Variants in PDE4B observed in about 807,000 individuals in gnomAD.
PDE4B encodes 3',5'-cyclic-AMP phosphodiesterase 4B.
Under a neutral mutation model 82.2 loss-of-function variants are expected in PDE4B, and 20 were observed. That is an observed-to-expected ratio of 0.24 (90% confidence interval 0.17 to 0.35). PDE4B has a LOEUF of 0.35. PDE4B is among the 10% of genes least tolerant of loss of function. The probability of loss-of-function intolerance (pLI) is 1.00; values close to 1 mark genes in which losing one functional copy is unlikely to be tolerated. For synonymous variants in PDE4B, 320 were observed against 318.9 expected (o/e 1.00, Z -0.04); for missense variants, 655 against 907.2 (o/e 0.72, Z 3.57).
rs537814354 is a variant in PDE4B, at chr1:66,257,779, C to T, written c.514-14C>T. ...TTCTTTTGTCCTTAACCGTTTAAAA[C>T]ATTTTTCTTCTAGGTCCTTGCCAGC... On this transcript the variant is annotated splice_polypyrimidine_tract_variant and intron_variant, in intron 5 of 16. Coordinates refer to ENST00000341517, the MANE Select transcript of PDE4B (RefSeq NM_002600.4). 3 of 1,612,076 alleles carry T rather than the reference C, an allele frequency of 1.9e-6. No homozygotes were observed. Among genetic ancestry groups the T allele is most frequent in the Non-Finnish European group, 2.5e-6 (3 of 1,178,494 alleles).
At chr1:66,114,918 G>A (rs1325540104) in intron 3 of PDE4B, among the ~76,000 whole-genome samples, 1 of 152,072 alleles carries the variant, frequency 6.6e-6, no homozygotes, top group Non-Finnish European at 1.5e-5. Flanking sequence ...TTACAGGGGT[G>A]AGCCACCACA....
chr1:66,187,950 C>A (rs1647330029), intron 3 of PDE4B, among the ~76,000 whole-genome samples: 1 of 150,092 alleles, frequency 6.7e-6, no homozygotes, highest in Admixed American at 6.7e-5. Flanking sequence ...TAGATCTTTC[C>A]TGCTTTCTCT....
chr1:65,947,674 G>T (rs1389552996), intron 3 of PDE4B, among the ~76,000 whole-genome samples: 2 of 151,930 alleles, frequency 1.3e-5, no homozygotes, highest in Non-Finnish European at 2.9e-5. Flanking sequence ...GACACAGAGG[G>T]AAGACAGTTA....
At chr1:66,254,535 CTATAGCTCGAATT>C (rs1211670857) in intron 4 of PDE4B, among the ~76,000 whole-genome samples, 1 of 152,134 alleles carries the variant, frequency 6.6e-6, no homozygotes, top group Admixed American at 6.6e-5. Flanking sequence ...ACCCCTAAAT[CTATAGCTCGAATT>C]CCCATATCTC....
In PDE4B at chr1:66,240,983, G is replaced by A. The variant is rs113209730; in HGVS notation, c.282-6477G>A. Among the ~76,000 whole-genome samples the A allele has an allele frequency of 3.8e-3, 580 of 152,316 alleles. 1 individual carries two copies. Among genetic ancestry groups the A allele is most frequent in the African/African-American group, 0.013 (529 of 41,564 alleles). On this transcript the variant is annotated intron_variant, in intron 3 of 16. Coordinates refer to ENST00000341517, the MANE Select transcript of PDE4B (RefSeq NM_002600.4). ...AATCTCAGAGCTCTTCAGCATTCCT[G>A]TGCTACCTCTGGTTGAGCCTTTCTG... is the stretch of plus-strand genomic sequence containing the variant.
At chr1:65,810,174 T>C (rs889772722) in intron 1 of PDE4B, among the ~76,000 whole-genome samples, 4 of 152,206 alleles carry the variant, frequency 2.6e-5, no homozygotes, top group African/African-American at 9.7e-5. Flanking sequence ...TGATAAATTA[T>C]GGGATATTCC....
In PDE4B at chr1:65,848,752, C is replaced by T. The variant is rs188340937; in HGVS notation, c.-71+55504C>T. Among the ~76,000 whole-genome samples the T allele has an allele frequency of 4.1e-3, 621 of 152,134 alleles. 4 individuals carry two copies. Among genetic ancestry groups the T allele is most frequent in the African/African-American group, 0.014 (567 of 41,508 alleles). On this transcript the variant is annotated intron_variant, in intron 1 of 16. Transcript: ENST00000341517. ...TTATGTTGCTGACAATATGTTATTG[C>T]GTTGATATATGACAAATCATTCATC...
Position 65,982,345 on chromosome 1 carries a change from A to G in PDE4B, c.281+63510A>G, listed in dbSNP as rs947892427. On this transcript the variant is annotated intron_variant, in intron 3 of 16. Transcript: ENST00000341517. ...CGCAAACACATCCTGGTTTCTCCTT[A>G]CTGTTTATAGTAAACTGTGAAGGGA... is the stretch of plus-strand genomic sequence containing the variant. 7.9e-5 allele frequency among the ~76,000 whole-genome samples: 12 copies of G among 152,340 alleles called. No homozygotes were observed. The South Asian group carries it at 8.3e-4, about 11-fold the overall frequency.
rs546529287 is a variant in PDE4B, at chr1:65,925,474, A to T, written c.281+6639A>T. Among the ~76,000 whole-genome samples, 99 of 152,298 alleles carry T rather than the reference A, an allele frequency of 6.5e-4. 1 individual carries two copies. Among genetic ancestry groups the T allele is most frequent in the African/African-American group, 2.0e-3 (83 of 41,564 alleles). On this transcript the variant is annotated intron_variant, in intron 3 of 16. Coordinates refer to ENST00000341517, the MANE Select transcript of PDE4B (RefSeq NM_002600.4). ...CACAAAACCAGGAACAAAATCAAGAAGCAAAACTTTACTAGTGTCTCAGAA... is the reference window on the plus strand; with the variant it reads ...CACAAAACCAGGAACAAAATCAAGATGCAAAACTTTACTAGTGTCTCAGAA...
intron 3 of PDE4B, among the ~76,000 whole-genome samples, chr1:66,108,081 G>A (rs754384124): frequency 2.0e-5 from 3 of 151,738 alleles, no homozygotes; most frequent in Admixed American, 6.6e-5. Flanking sequence ...AATATTTAAA[G>A]TCTACTCTCT....
At chr1:66,166,358 A>C (rs923144700) in intron 3 of PDE4B, among the ~76,000 whole-genome samples, 1 of 152,244 alleles carries the variant, frequency 6.6e-6, no homozygotes, top group Non-Finnish European at 1.5e-5. Context: ...TATGACACCA[A>C]TTACATAAAT....
At chr1:65,993,168 C>T in intron 3 of PDE4B, 1 of 1,530,918 alleles carries the variant, frequency 6.5e-7, no homozygotes, top group Non-Finnish European at 8.9e-7. Context: ...GAGGTATCTA[C>T]AGTGCTTTTC....
In PDE4B at chr1:66,174,175, T is replaced by TTTTTTTTTC. The variant is rs1225419022; in HGVS notation, c.282-73285_282-73284insTTTTTTTTC. ...CAGGTGAGAAAATAAAATGGAACTCTACATTTTCAATTACACCACGTCAAT... is the reference window on the plus strand; with the variant it reads ...CAGGTGAGAAAATAAAATGGAACTCTTTTTTTTTCACATTTTCAATTACACCACGTCAAT... On this transcript the variant is annotated intron_variant, in intron 3 of 16. Transcript: ENST00000341517. 3.9e-5 allele frequency among the ~76,000 whole-genome samples: 6 copies of TTTTTTTTTC among 152,354 alleles called. No homozygotes were observed. The East Asian group carries it at 1.2e-3, about 29-fold the overall frequency.
chr1:66,149,606 A>T (rs1209723717), intron 3 of PDE4B, among the ~76,000 whole-genome samples: 1 of 152,194 alleles, frequency 6.6e-6, no homozygotes, highest in Non-Finnish European at 1.5e-5. Flanking sequence ...GTAATCCCAG[A>T]ACTTTGGGAA....
intron 3 of PDE4B, among the ~76,000 whole-genome samples, chr1:66,082,912 G>A (rs1208854996): frequency 1.3e-5 from 2 of 151,918 alleles, no homozygotes; most frequent in Non-Finnish European, 1.5e-5. Flanking sequence ...AAGACAAGCA[G>A]GAGGCAATGG....
chr1:65,865,612 A>G (rs1646502264), intron 1 of PDE4B, among the ~76,000 whole-genome samples: 1 of 152,082 alleles, frequency 6.6e-6, no homozygotes. Context: ...ACAGTCCCTC[A>G]CGGCTTCCTT....
intron 3 of PDE4B, among the ~76,000 whole-genome samples, chr1:65,932,027 ATCT>A (rs1321034713): frequency 1.1e-4 from 17 of 152,120 alleles, no homozygotes; most frequent in African/African-American, 4.1e-4. Context: ...TGCTTCCAAC[ATCT>A]TCTTGGGAAG....
intron 7 of PDE4B, chr1:66,266,988 T>C (rs1004652114): frequency 5.0e-6 from 1 of 198,124 alleles, no homozygotes; most frequent in African/African-American, 2.3e-5. Context: ...CTTTCTCTCT[T>C]GGTTGTTGTG....
chr1:66,243,424 G>A (rs1033521304), intron 3 of PDE4B, among the ~76,000 whole-genome samples: 1 of 152,190 alleles, frequency 6.6e-6, no homozygotes, highest in African/African-American at 2.4e-5. Context: ...GTAATACTGA[G>A]TCCCTTCTGG....
Sources: allele counts gnomAD v4.1 joint callset (sites outside exome capture counted in the v4.1 genomes callset), GRCh38; gene constraint gnomAD v4.1.1; transcripts MANE v1.5; gene names NCBI Gene and HGNC (gene_info 2026-07-23, HGNC 2026-07-21).